Variants in GHR observed in about 807,000 individuals in gnomAD.
The protein encoded by GHR is growth hormone receptor, also known as GH receptor.
A neutral mutation model predicts 67.1 loss-of-function variants in GHR; 35 were observed. The observed-to-expected ratio is 0.52, with a 90% CI of 0.40 to 0.69. The LOEUF (loss-of-function observed/expected upper bound fraction) is 0.69, where lower values mean the gene tolerates loss of function less well. Ranked by LOEUF, GHR falls within the 30% of genes least tolerant of loss-of-function variation. The pLI, the probability that GHR is intolerant of heterozygous loss-of-function variation, is 0.00. For missense variants in GHR, 792 were observed against 764.6 expected (o/e 1.04, Z -0.42); for synonymous variants, 272 against 269.1 (o/e 1.01, Z -0.10).
intron 4 of GHR, among the ~76,000 whole-genome samples, chr5:42,694,405 T>A (rs1256673325): frequency 6.6e-6 from 1 of 152,164 alleles, no homozygotes; most frequent in Non-Finnish European, 1.5e-5. Context: ...TTACTTATCT[T>A]TATATCTGCA....
intron 2 of GHR, among the ~76,000 whole-genome samples, chr5:42,625,304 A>C (rs1163002108): frequency 6.6e-6 from 1 of 151,934 alleles, no homozygotes; most frequent in Admixed American, 6.6e-5. Flanking sequence ...GTTTCTATTA[A>C]GGACTGAAAC....
At chr5:42,462,152 T>C (rs1744513817) in intron 1 of GHR, among the ~76,000 whole-genome samples, 1 of 152,204 alleles carries the variant, frequency 6.6e-6, no homozygotes, top group Non-Finnish European at 1.5e-5. Flanking sequence ...AACCCACATA[T>C]AGACACCGAA....
rs533185191 is a variant in GHR at position 42,539,377 on chromosome 5, C to A, written c.-11-26487C>A. On this transcript the variant is annotated intron_variant, in intron 1 of 9. Transcript: ENST00000230882. ...GATTCTTTTGTCCCTTAATGTAGTA[C>A]TCTCCCTATTTTCCTATGGATGTGG... Among the ~76,000 whole-genome samples the A allele has an allele frequency of 2.6e-4, 39 of 152,306 alleles. No individual in the cohort carries two copies. In the South Asian group the frequency reaches 6.8e-3, roughly 27 times the overall value.
At chr5:42,595,955 T>C (rs1450340102) in intron 2 of GHR, among the ~76,000 whole-genome samples, 1 of 152,160 alleles carries the variant, frequency 6.6e-6, no homozygotes, top group Non-Finnish European at 1.5e-5. Flanking sequence ...GAAAGTGGAG[T>C]AACCATTTCC....
chr5:42,595,781 G>A (rs571861095), intron 2 of GHR, among the ~76,000 whole-genome samples: 52 of 152,318 alleles, frequency 3.4e-4, no homozygotes, highest in African/African-American at 8.4e-4. Context: ...CTGGAGAGGC[G>A]GGGTGTTTTA....
intron 2 of GHR, among the ~76,000 whole-genome samples, chr5:42,583,054 C>T (rs961504916): frequency 2.6e-5 from 4 of 152,244 alleles, no homozygotes; most frequent in African/African-American, 9.6e-5. Flanking sequence ...CCATTGGGCC[C>T]GAGCAAAACT....
chr5:42,456,304 C>A (rs538653291), intron 1 of GHR, among the ~76,000 whole-genome samples: 1 of 152,034 alleles, frequency 6.6e-6, no homozygotes, highest in Non-Finnish European at 1.5e-5. Context: ...AGCGAGACTC[C>A]GTCTCAAAAT....
intron 1 of GHR, among the ~76,000 whole-genome samples, chr5:42,495,381 A>G (rs935773324): frequency 3.9e-5 from 6 of 152,244 alleles, no homozygotes; most frequent in South Asian, 4.1e-4. Context: ...TCAGTGATTC[A>G]TTAATTATTC....
At chr5:42,442,363 C>G (rs1435369207) in intron 1 of GHR, among the ~76,000 whole-genome samples, 1 of 152,142 alleles carries the variant, frequency 6.6e-6, no homozygotes, top group East Asian at 1.9e-4. Context: ...TTTGGAGGTG[C>G]TCAGCAGTTT....
intron 1 of GHR, among the ~76,000 whole-genome samples, chr5:42,485,800 C>T (rs1297119281): frequency 1.3e-5 from 2 of 152,184 alleles, no homozygotes; most frequent in Non-Finnish European, 2.9e-5. Flanking sequence ...CACAAGAAGA[C>T]TTAATTTGGA....
intron 1 of GHR, among the ~76,000 whole-genome samples, chr5:42,426,195 A>G (rs1463823453): frequency 1.3e-5 from 2 of 152,214 alleles, no homozygotes; most frequent in Non-Finnish European, 2.9e-5. Flanking sequence ...CATAATGTTT[A>G]TAGCATAATA....
Position 42,684,803 on chromosome 5 carries a change from C to A in GHR, c.137-4087C>A, listed in dbSNP as rs190312625. ...TGATTACAAAAACACTCCTGCTATC[C>A]CCAACCTGTGCTCCCAGGGCTAAAG... On this transcript the variant is annotated intron_variant, in intron 3 of 9. Coordinates refer to ENST00000230882, the MANE Select transcript of GHR (RefSeq NM_000163.5). 3.3e-5 allele frequency among the ~76,000 whole-genome samples: 5 copies of A among 152,202 alleles called. No homozygotes were observed. The East Asian group carries it at 7.7e-4, about 24-fold the overall frequency.
intron 1 of GHR, among the ~76,000 whole-genome samples, chr5:42,493,247 A>G (rs932079228): frequency 1.3e-5 from 2 of 152,176 alleles, no homozygotes; most frequent in Non-Finnish European, 2.9e-5. Context: ...TCTGTTGCTT[A>G]AGAATAAAGC....
intron 2 of GHR, among the ~76,000 whole-genome samples, chr5:42,576,807 A>G (rs1306914900): frequency 6.6e-6 from 1 of 152,224 alleles, no homozygotes; most frequent in Non-Finnish European, 1.5e-5. Context: ...TGTGCTTCTA[A>G]TAAAATTAAA....
intron 3 of GHR, chr5:42,659,169 T>C (rs1432962149): frequency 6.6e-6 from 1 of 152,230 alleles, no homozygotes; most frequent in Non-Finnish European, 1.5e-5. Context: ...TTTCAGCAAC[T>C]GTATAAGCAG....
chr5:42,498,972 C>A (rs2112223598), intron 1 of GHR, among the ~76,000 whole-genome samples: 1 of 152,268 alleles, frequency 6.6e-6, no homozygotes, highest in South Asian at 2.1e-4. Context: ...TTAAGATGAA[C>A]TTGATAGAAT....
intron 1 of GHR, among the ~76,000 whole-genome samples, chr5:42,511,591 T>A (rs531991367): frequency 6.6e-6 from 1 of 152,328 alleles, no homozygotes; most frequent in African/African-American, 2.4e-5. Context: ...GTTTTTTGTT[T>A]GTTTGTTTGT....
intron 1 of GHR, among the ~76,000 whole-genome samples, chr5:42,474,341 A>AAAGAAAGAAAGAAAGAAAGAAAGAAAG (rs1561325771): frequency 2.4e-5 from 3 of 127,336 alleles, no homozygotes; most frequent in African/African-American, 8.5e-5. Flanking sequence ...AAGAAAGAAA[A>AAAGAAAGAAAGAAAGAAAGAAAGAAAG]GAAATAAAGA....
At chr5:42,485,898 C>T (rs1351053050) in intron 1 of GHR, among the ~76,000 whole-genome samples, 1 of 152,210 alleles carries the variant, frequency 6.6e-6, no homozygotes, top group Non-Finnish European at 1.5e-5. Context: ...TGTTTTAAAT[C>T]TGTTCTACTG....
Sources: allele counts gnomAD v4.1 joint callset (sites outside exome capture counted in the v4.1 genomes callset), GRCh38; gene constraint gnomAD v4.1.1; transcripts MANE v1.5; gene names NCBI Gene and HGNC (gene_info 2026-07-23, HGNC 2026-07-21).